Variants in DNAJC18 observed in about 807,000 individuals in gnomAD.
DNAJC18 encodes dnaJ homolog subfamily C member 18.
Under a neutral mutation model 48.6 loss-of-function variants are expected in DNAJC18, and 40 were observed. The observed-to-expected ratio is 0.82, with a 90% CI of 0.64 to 1.07. DNAJC18 has a LOEUF of 1.07. Among genes scored for constraint, DNAJC18 ranks in the 50% least tolerant of loss-of-function variants. The pLI is 0.00. For synonymous variants in DNAJC18, 135 were observed against 152.2 expected (o/e 0.89, Z 0.83); for missense variants, 340 against 427.7 (o/e 0.79, Z 1.81).
chr5:139,421,083 A>AAAG (rs1299643950), intron 6 of DNAJC18, among the ~76,000 whole-genome samples: 1 of 152,192 alleles, frequency 6.6e-6, no homozygotes, highest in Non-Finnish European at 1.5e-5. Context: ...CACAAGAAAG[A>AAAG]AAGCTAAAGT....
At chr5:139,422,515 C>T (rs1042001824) in intron 6 of DNAJC18, among the ~76,000 whole-genome samples, 193 bp downstream of exon 6, 1 of 152,186 alleles carries the variant, frequency 6.6e-6, no homozygotes, top group Non-Finnish European at 1.5e-5. Context: ...CAATCTATTT[C>T]CCGAGGCACA....
rs956903397 is a variant in DNAJC18, at chr5:139,426,339, G to A, written c.392C>T (p.Ala131Val). The A allele has an allele frequency of 5.0e-6, 8 of 1,613,992 alleles. No homozygotes were observed. The highest frequency in any genetic ancestry group is 6.8e-6 in the Non-Finnish European group (8 of 1,179,968). Residue 131 changes from alanine to valine, a missense_variant, in exon 4 of 8, where the codon GCA becomes GTA. Transcript: ENST00000302060. ...DAFKAIGNAF[A>V]VLSNPDKRLR... ...TCTCTTATCAGGATTGCTCAGGACT[G>A]CAAATGCATTTCCTATTGCTGCAAC...
At position 139,428,555 on chromosome 5, in the gene DNAJC18, G is replaced by A; in HGVS notation, c.356C>T (p.Ala119Val). 1 of 1,613,180 alleles carries A rather than the reference G, an allele frequency of 6.2e-7. No homozygotes were observed. Among genetic ancestry groups the A allele is most frequent in the Non-Finnish European group, 8.5e-7 (1 of 1,179,714 alleles). ...GATCAGACCTTTGAAAGCATCTGTT[G>A]CTCCAGGAGCACAGTTCTTGTCAGG... The part of the protein sequence containing the change: ...FHPDKNCAPG[A>V]TDAFKAIGNA... Residue 119 changes from alanine to valine, a missense_variant, in exon 3 of 8, where the codon GCA becomes GTA. Ala to Val is a moderately conservative substitution (Grantham distance 64, BLOSUM62 0). Transcript: ENST00000302060.
rs757566319 is a variant in DNAJC18 at position 139,428,662 on chromosome 5, G to A, written c.249C>T (p.Tyr83=). The change falls in exon 3 of 8, where the codon TAC becomes TAT. Residue 83 remains tyrosine, a synonymous_variant. Transcript: ENST00000302060. The stretch of plus-strand genomic sequence containing the variant: ...CTCGAGAAACTCCCAGAATTTCATA[G>A]TAATTTCTGCATTTCTTGATCCTAA... ...GVQRIKKCRN[Y]YEILGVSRDA... 15 of 1,611,818 alleles carry A rather than the reference G, an allele frequency of 9.3e-6. No homozygotes were observed. Among genetic ancestry groups the A allele is most frequent in the Non-Finnish European group, 1.3e-5 (15 of 1,179,514 alleles).
intron 7 of DNAJC18, chr5:139,418,921 T>C (rs1759108598): frequency 4.4e-6 from 2 of 451,792 alleles, no homozygotes; most frequent in East Asian, 7.0e-5. Context: ...CCTGGAACTC[T>C]AACACTGTGT....
At chr5:139,431,219 C>T (rs990286398) in intron 2 of DNAJC18, among the ~76,000 whole-genome samples, 3 of 152,152 alleles carry the variant, frequency 2.0e-5, no homozygotes, top group Admixed American at 6.5e-5. Context: ...AAATAATCCA[C>T]GTACCATAAA....
chr5:139,438,934 C>CG (rs1184845900), intron 1 of DNAJC18, among the ~76,000 whole-genome samples: 1 of 152,150 alleles, frequency 6.6e-6, no homozygotes, highest in Non-Finnish European at 1.5e-5. Context: ...CAGCATTAGG[C>CG]GGGGCACACA....
At chr5:139,414,723 A>C (rs925714132) in intron 7 of DNAJC18, among the ~76,000 whole-genome samples, 1 of 152,260 alleles carries the variant, frequency 6.6e-6, no homozygotes, top group Non-Finnish European at 1.5e-5. Flanking sequence ...GAAGGCACAC[A>C]GAGCCTACTG....
intron 5 of DNAJC18, 126 bp downstream of exon 5, chr5:139,424,879 T>C: frequency 1.2e-6 from 1 of 826,170 alleles, no homozygotes; most frequent in Middle Eastern, 3.7e-4. Flanking sequence ...TGCTTTTGCT[T>C]TCCTAAAGCA....
intron 2 of DNAJC18, among the ~76,000 whole-genome samples, chr5:139,435,705 G>GTTTT (rs377125785): frequency 0.012 from 476 of 41,166 alleles, 120 homozygotes; most frequent in African/African-American, 0.047. Flanking sequence ...TTCATTGGAA[G>GTTTT]TTTTTTTTTT....
rs755015095 is a variant in DNAJC18 at position 139,426,329 on chromosome 5, G to T, written c.402C>A (p.Ser134Arg). ...CATAGCGAAGTCTCTTATCAGGATT[G>T]CTCAGGACTGCAAATGCATTTCCTA... ...KAIGNAFAVLSNPDKRLRYDE... is the reference protein window; with the variant it reads ...KAIGNAFAVLRNPDKRLRYDE... Residue 134 changes from serine (S) to arginine (R), a missense_variant, in exon 4 of 8, where the codon AGC becomes AGA. Physicochemically the swap from Ser to Arg is moderately radical, Grantham distance 110 (BLOSUM62 -1). Transcript: ENST00000302060. The T allele has an allele frequency of 1.5e-5, 24 of 1,613,976 alleles. No individual in the cohort carries two copies. In the South Asian group the frequency reaches 2.5e-4, roughly 17 times the overall value.
chr5:139,435,835 A>C (rs1208675037), intron 2 of DNAJC18, among the ~76,000 whole-genome samples: 1 of 148,578 alleles, frequency 6.7e-6, no homozygotes, highest in African/African-American at 2.5e-5. Flanking sequence ...CCTCCTGAGC[A>C]GCTGGAACTG....
intron 5 of DNAJC18, among the ~76,000 whole-genome samples, chr5:139,423,093 G>C (rs1369410582): frequency 6.6e-6 from 1 of 152,086 alleles, no homozygotes; most frequent in East Asian, 1.9e-4. Flanking sequence ...CGGCCTCCCA[G>C]AGTGCTGGGA....
At chr5:139,432,689 C>T (rs1245942037) in intron 2 of DNAJC18, among the ~76,000 whole-genome samples, 3 of 152,166 alleles carry the variant, frequency 2.0e-5, no homozygotes, top group African/African-American at 4.8e-5. Context: ...CCTGACTTCA[C>T]GAAGAAAATA....
chr5:139,433,006 C>T (rs574220752), intron 2 of DNAJC18, among the ~76,000 whole-genome samples: 6 of 152,178 alleles, frequency 3.9e-5, no homozygotes, highest in African/African-American at 1.2e-4. Flanking sequence ...TAGGGCTGGC[C>T]GCAGGGTTCA....
chr5:139,438,117 C>T (rs186399827), intron 1 of DNAJC18, among the ~76,000 whole-genome samples: 1 of 152,190 alleles, frequency 6.6e-6, no homozygotes, highest in East Asian at 1.9e-4. Flanking sequence ...GAGATCGAGA[C>T]CATCCTGGCT....
chr5:139,432,493 T>G (rs933144659), intron 2 of DNAJC18, among the ~76,000 whole-genome samples: 1 of 151,814 alleles, frequency 6.6e-6, no homozygotes, highest in Non-Finnish European at 1.5e-5. Flanking sequence ...AGAGACAGGG[T>G]AGGGTCCCTG....
At chr5:139,414,794 C>A (rs577445311) in intron 7 of DNAJC18, among the ~76,000 whole-genome samples, 3 of 152,390 alleles carry the variant, frequency 2.0e-5, no homozygotes, top group Admixed American at 6.5e-5. Flanking sequence ...TCCCTCACCA[C>A]ACGTAGGGTC....
chr5:139,431,522 G>T (rs923336484), intron 2 of DNAJC18, among the ~76,000 whole-genome samples: 1 of 152,154 alleles, frequency 6.6e-6, no homozygotes, highest in Admixed American at 6.5e-5. Flanking sequence ...CCATGTTGTA[G>T]CATGAATCTG....
Sources: allele counts gnomAD v4.1 joint callset (sites outside exome capture counted in the v4.1 genomes callset), GRCh38; gene constraint gnomAD v4.1.1; transcripts MANE v1.5; gene names NCBI Gene and HGNC (gene_info 2026-07-23, HGNC 2026-07-21).